PIGY: variants seen among roughly 807,000 people sequenced by gnomAD.
PIGY encodes phosphatidylinositol glycan anchor biosynthesis class Y, also known as phosphatidylinositol N-acetylglucosaminyltransferase subunit Y.
PIGY carries 3 observed loss-of-function variants against 4.1 expected under a neutral mutation model. The ratio of observed to expected loss-of-function variants is 0.73; its 90% CI spans 0.33 to 1.89. The LOEUF is 1.89. Ranked by LOEUF, PIGY falls within the 40% of genes most tolerant of loss-of-function variation. PIGY has a pLI of 0.08. For missense variants in PIGY, 78 were observed against 80.3 expected, an observed-to-expected ratio of 0.97 and a Z score of 0.11; for synonymous variants, 33 against 31.4, an observed-to-expected ratio of 1.05 and a Z score of -0.18.
intron 1 of PIGY, 133 bp downstream of exon 1, chr4:88,523,365 A>C: frequency 1.1e-6 from 1 of 923,116 alleles, no homozygotes; most frequent in South Asian, 1.5e-5. Flanking sequence ...CGGCGAGGAC[A>C]GAGTCCAGAA....
Position 88,521,759 on chromosome 4 carries a change from G to C in PIGY, c.31C>G (p.Leu11Val). ...CCTGCTAAAGAAACCAGTGGAATAAGAACAGTCAACGTAGGAAGAGACAGA... is the reference window on the plus strand; with the variant it reads ...CCTGCTAAAGAAACCAGTGGAATAACAACAGTCAACGTAGGAAGAGACAGA... MFLSLPTLTVLIPLVSLAGLF... is the reference protein window; with the variant it reads MFLSLPTLTVVIPLVSLAGLF... The change falls in exon 2 of 2, where the codon CTT becomes GTT. Residue 11 changes from leucine to valine, a missense_variant. Physicochemically the swap from Leu to Val is conservative, Grantham distance 32. Transcript: ENST00000527353. The C allele has an allele frequency of 6.2e-7, 1 of 1,613,482 alleles. No individual in the cohort carries two copies. Among genetic ancestry groups the C allele is most frequent in the Non-Finnish European group, 8.5e-7 (1 of 1,179,702 alleles).
At position 88,521,686 on chromosome 4, in the gene PIGY, G is replaced by A. The variant is rs367903057; in HGVS notation, c.104C>T (p.Thr35Ile). The A allele has an allele frequency of 6.2e-7, 1 of 1,613,934 alleles. No individual in the cohort carries two copies. Residue 35 changes from threonine (T) to isoleucine (I), a missense_variant, in exon 2 of 2, where the codon ACT (threonine) becomes ATT (isoleucine). Transcript: ENST00000527353. ...GTAAAAGCAAAGGCTGGCTGTGCTAGTGCAGCCCTGTGGGAAGTTTTCTTC... is the reference window on the plus strand; with the variant it reads ...GTAAAAGCAAAGGCTGGCTGTGCTAATGCAGCCCTGTGGGAAGTTTTCTTC... The part of the protein sequence containing the change: ...SVEENFPQGC[T>I]STASLCFYSL...
chr4:88,523,082 G>T (rs1400522235), intron 1 of PIGY, among the ~76,000 whole-genome samples: 2 of 151,482 alleles, frequency 1.3e-5, no homozygotes, highest in Admixed American at 6.6e-5. Flanking sequence ...TCTGGGCAAC[G>T]TAGGGGGCAC....
Position 88,522,005 on chromosome 4 carries a change from C to G in PIGY, c.-216G>C. 6.5e-7 allele frequency: 1 copy of G among 1,548,008 alleles called. No homozygotes were observed. Among genetic ancestry groups the G allele is most frequent in the South Asian group, 1.2e-5 (1 of 82,818 alleles). On this transcript the variant is annotated 5_prime_UTR_variant, in exon 2 of 2. The change abolishes the stop of an existing upstream ORF in the 5' untranslated region. Transcript: ENST00000527353. ...AAGCTATTCCCAACTCTTCATTAAT[C>G]AATTCGTTTGTTGATGCTTCATATC... is the stretch of plus-strand genomic sequence containing the variant.
chr4:88,522,810 AAC>A (rs1291131235), intron 1 of PIGY, among the ~76,000 whole-genome samples: 1 of 152,380 alleles, frequency 6.6e-6, no homozygotes, highest in East Asian at 1.9e-4. Context: ...CTGGGCAGCA[AAC>A]ACAGCTGAAT....
intron 1 of PIGY, among the ~76,000 whole-genome samples, chr4:88,523,156 G>A (rs1042788108): frequency 6.6e-6 from 1 of 152,056 alleles, no homozygotes; most frequent in Non-Finnish European, 1.5e-5. Context: ...CCCATCCCGC[G>A]AGCATTCCAA....
At chr4:88,522,919 G>C (rs896047357) in intron 1 of PIGY, among the ~76,000 whole-genome samples, 7 of 152,152 alleles carry the variant, frequency 4.6e-5, no homozygotes, top group African/African-American at 9.7e-5. Flanking sequence ...AAAACCGGAA[G>C]GCTTCGGACT....
chr4:88,523,437 C>A, intron 1 of PIGY, 61 bp downstream of exon 1: 1 of 1,527,542 alleles, frequency 6.5e-7, no homozygotes, highest in African/African-American at 1.4e-5. Context: ...AGGCCGCGGT[C>A]CACCGCTCCC....
At position 88,521,208 on chromosome 4, in the gene PIGY, T is replaced by C. The variant is rs1072; in HGVS notation, c.*366A>G. 0.063 allele frequency: 12,668 copies of C among 201,958 alleles called. 1,429 individuals are homozygous for C. The highest frequency in any genetic ancestry group is 0.25 in the African/African-American group (10,941 of 43,224). 12.5% of individuals were successfully genotyped at this position (201,958 alleles called of 1,614,324 possible). A position where few individuals can be genotyped will look rare whatever the true frequency, so the allele number is the denominator to read the frequency against. On this transcript the variant is annotated 3_prime_UTR_variant, in exon 2 of 2. Coordinates refer to ENST00000527353, the MANE Select transcript of PIGY (RefSeq NM_001042616.3). ...TCCTTTGGAATTATTTCAGTCATCC[T>C]TAACATGTGACTTTACCAAAGACCT...
intron 1 of PIGY, 43 bp downstream of exon 1, chr4:88,523,455 C>A (rs1339205438): frequency 3.2e-6 from 5 of 1,546,718 alleles, no homozygotes; most frequent in Non-Finnish European, 8.7e-7. Flanking sequence ...CCCTTTCCGC[C>A]CACCGGGAGG....
Position 88,521,901 on chromosome 4 carries a change from ACTT to A in PIGY, c.-115_-113del, listed in dbSNP as rs1255060721. 8.4e-6 allele frequency: 13 copies of A among 1,550,478 alleles called. No homozygotes were observed. The East Asian group carries it at 2.2e-4, about 26-fold the overall frequency. On this transcript the variant is annotated 5_prime_UTR_variant, in exon 2 of 2. Transcript: ENST00000527353. ...TTAAATTATGAACTAGCGCTGCTCC[ACTT>A]CTTCTTGCTTCTTACTTTGACGTGT...
rs991610681 is a variant in PIGY, at chr4:88,523,766, C to T, written c.-509G>A. On this transcript the variant is annotated 5_prime_UTR_variant, in exon 1 of 2. Coordinates refer to ENST00000527353, the MANE Select transcript of PIGY (RefSeq NM_001042616.3). Reference sequence around the variant, plus strand: ...ACCCGTGGCCGAGCTCCCGGCTTCCCGTTCGTCCAGGCCAGCCGGGCAGGC... The same window carrying T: ...ACCCGTGGCCGAGCTCCCGGCTTCCTGTTCGTCCAGGCCAGCCGGGCAGGC... 20 of 1,376,558 alleles carry T rather than the reference C, an allele frequency of 1.5e-5. No individual in the cohort carries two copies. Among genetic ancestry groups the T allele is most frequent in the Non-Finnish European group, 1.8e-5 (19 of 1,064,402 alleles). The allele number at this position is 1,376,558 out of a possible 1,614,324, so 85.3% of individuals were successfully genotyped here. A position where few individuals can be genotyped will look rare whatever the true frequency, so the allele number is the denominator to read the frequency against.
intron 1 of PIGY, among the ~76,000 whole-genome samples, chr4:88,522,385 G>A (rs1448682428): frequency 6.6e-6 from 1 of 151,600 alleles, no homozygotes; most frequent in Admixed American, 6.6e-5. Flanking sequence ...ATTTACTACT[G>A]GAATAAACAC....
At position 88,523,600 on chromosome 4, in the gene PIGY, C is replaced by G. The variant is rs1441310738; in HGVS notation, c.-343G>C. On this transcript the variant is annotated 5_prime_UTR_variant, in exon 1 of 2. Coordinates refer to ENST00000527353, the MANE Select transcript of PIGY (RefSeq NM_001042616.3). ...CTTCTTGCCCCGGTCGGCCAAAGGC[C>G]GCGACCCCGACGCGTGCAGGCACCT... is the stretch of plus-strand genomic sequence containing the variant. 2 of 1,549,076 alleles carry G rather than the reference C, an allele frequency of 1.3e-6. No homozygotes were observed. Among genetic ancestry groups the G allele is most frequent in the South Asian group, 2.4e-5 (2 of 84,004 alleles).
chr4:88,523,108 G>C (rs1742433549), intron 1 of PIGY, among the ~76,000 whole-genome samples: 1 of 124,510 alleles, frequency 8.0e-6, no homozygotes, highest in Non-Finnish European at 1.6e-5. Context: ...CTCTTAAAAG[G>C]AAAAAAAAAA....
In PIGY at chr4:88,521,555, CA is replaced by C; in HGVS notation, c.*18del. 6.4e-7 allele frequency: 1 copy of C among 1,560,482 alleles called. No individual in the cohort carries two copies. The highest frequency in any genetic ancestry group is 1.4e-5 in the African/African-American group (1 of 73,886). ...CAAGAGCTATCATTAATATATACAG[CA>C]TATTGACTCTAGTTGCATCAATTAT... On this transcript the variant is annotated 3_prime_UTR_variant, in exon 2 of 2. Transcript: ENST00000527353.
Position 88,521,463 on chromosome 4 carries a change from T to G in PIGY, c.*111A>C, listed in dbSNP as rs1220665890. 7.4e-6 allele frequency: 7 copies of G among 944,834 alleles called. No homozygotes were observed. In the East Asian group the frequency reaches 7.9e-5, roughly 11 times the overall value. 58.5% of individuals were successfully genotyped at this position (944,834 alleles called of 1,614,324 possible). A position where few individuals can be genotyped will look rare whatever the true frequency, so the allele number is the denominator to read the frequency against. Reference sequence around the variant, plus strand: ...GCCTCCCACAGTCCTAAGCCTGATATGCGCAAAGCAAAGCCTCTTTCCCGC... The same window carrying G: ...GCCTCCCACAGTCCTAAGCCTGATAGGCGCAAAGCAAAGCCTCTTTCCCGC... On this transcript the variant is annotated 3_prime_UTR_variant, in exon 2 of 2. Coordinates refer to ENST00000527353, the MANE Select transcript of PIGY (RefSeq NM_001042616.3).
Position 88,521,485 on chromosome 4 carries a change from C to T in PIGY, c.*89G>A, listed in dbSNP as rs747166026. The T allele has an allele frequency of 1.6e-5, 20 of 1,229,670 alleles. No homozygotes were observed. Among genetic ancestry groups the T allele is most frequent in the Non-Finnish European group, 2.2e-5 (19 of 872,182 alleles). 76.2% of individuals were successfully genotyped at this position (1,229,670 alleles called of 1,614,324 possible). On this transcript the variant is annotated 3_prime_UTR_variant, in exon 2 of 2. Coordinates refer to ENST00000527353, the MANE Select transcript of PIGY (RefSeq NM_001042616.3). ...ATATGCGCAAAGCAAAGCCTCTTTCCCGCAAACTAAATTCCATCCATTTGA... is the reference window on the plus strand; with the variant it reads ...ATATGCGCAAAGCAAAGCCTCTTTCTCGCAAACTAAATTCCATCCATTTGA...
In PIGY at chr4:88,521,151, T is replaced by C. The variant is rs2149117042; in HGVS notation, c.*423A>G. ...TATATCACATTCGTTCAAATGCATT[T>C]CTCTCCCTTAGAGGGACTATTCCAA... is the stretch of plus-strand genomic sequence containing the variant. On this transcript the variant is annotated 3_prime_UTR_variant, in exon 2 of 2. Coordinates refer to ENST00000527353, the MANE Select transcript of PIGY (RefSeq NM_001042616.3). 6.3e-6 allele frequency: 1 copy of C among 158,772 alleles called. No individual in the cohort carries two copies. The highest frequency in any genetic ancestry group is 2.4e-5 in the African/African-American group (1 of 41,762). The allele number at this position is 158,772 out of a possible 1,614,324, so 9.8% of individuals were successfully genotyped here.
Sources: allele counts gnomAD v4.1 joint callset (sites outside exome capture counted in the v4.1 genomes callset), GRCh38; gene constraint gnomAD v4.1.1; transcripts MANE v1.5; gene names NCBI Gene and HGNC (gene_info 2026-07-23, HGNC 2026-07-21).